Variants in DHRS2 observed in about 807,000 individuals in gnomAD.
The protein encoded by DHRS2 is dehydrogenase/reductase 2.
DHRS2 carries 29 observed loss-of-function variants against 26.3 expected under a neutral mutation model. That is an observed-to-expected ratio of 1.10 (90% CI 0.82 to 1.50). DHRS2 has a LOEUF of 1.50. DHRS2 is among the 40% of genes most tolerant of loss of function. The pLI is 0.00. For synonymous variants in DHRS2, 164 were observed against 151.3 expected (o/e 1.08, Z -0.62); for missense variants, 439 against 367.1 (o/e 1.20, Z -1.60).
chr14:23,644,767 C>A, intron 7 of DHRS2, 60 bp from the exon 8 acceptor site: 1 of 1,592,970 alleles, frequency 6.3e-7, no homozygotes. Flanking sequence ...GTGGCCTTCC[C>A]GGGGCCCTGC....
upstream of DHRS2, among the ~76,000 whole-genome samples, chr14:23,635,343 C>T (rs936958266): frequency 6.6e-6 from 1 of 152,150 alleles, no homozygotes; most frequent in Non-Finnish European, 1.5e-5. Context: ...TGTGAGCTAC[C>T]GTGCCTGGCC....
At chr14:23,640,219 T>C in intron 4 of DHRS2, 1 of 1,001,920 alleles carries the variant, frequency 1.0e-6, no homozygotes. Flanking sequence ...TGTGAATGGT[T>C]AGTCAGAGTC....
At chr14:23,640,353 C>T in intron 4 of DHRS2, 3 of 985,484 alleles carry the variant, frequency 3.0e-6, no homozygotes, top group Non-Finnish European at 3.6e-6. Context: ...GGGGGCTCCT[C>T]ACTGAGTCCC....
At chr14:23,635,876 C>T (rs540396468), upstream of DHRS2, among the ~76,000 whole-genome samples, 159 of 152,368 alleles carry the variant, frequency 1.0e-3, no homozygotes, top group African/African-American at 3.7e-3. Context: ...CGGCCGGTGC[C>T]AGCTGGGCCT....
At chr14:23,642,880 A>G (rs575487911) in intron 4 of DHRS2, 23 of 318,532 alleles carry the variant, frequency 7.2e-5, no homozygotes, top group African/African-American at 4.7e-4. Context: ...CATTTTCTTT[A>G]AAAGGCCTGA....
intron 5 of DHRS2, 159 bp downstream of exon 5, chr14:23,643,378 C>A (rs17095435): frequency 1.5e-6 from 1 of 668,672 alleles, no homozygotes; most frequent in Middle Eastern, 4.2e-4. Context: ...TGTGTGGCTG[C>A]CATTCCCAAT....
At chr14:23,641,371 C>T (rs1453059041) in intron 4 of DHRS2, 7 of 249,622 alleles carry the variant, frequency 2.8e-5, no homozygotes, top group Non-Finnish European at 4.7e-5. Context: ...CCTTCTCCAG[C>T]GACTCCAGCG....
chr14:23,642,234 C>T, intron 4 of DHRS2: 1 of 890,682 alleles, frequency 1.1e-6, no homozygotes, highest in Non-Finnish European at 1.3e-6. Context: ...CCCTTACAGC[C>T]TGCATTTTTA....
chr14:23,645,423 T>G lies in DHRS2; in HGVS notation c.*170T>G. 4 of 1,383,172 alleles carry G rather than the reference T, an allele frequency of 2.9e-6. No homozygotes were observed. The highest frequency in any genetic ancestry group is 3.9e-6 in the Non-Finnish European group (4 of 1,021,348). 85.7% of individuals were successfully genotyped at this position (1,383,172 alleles called of 1,614,324 possible). ...AAGAAAAACGCTTCGGCATTCTCCT[T>G]AGGACTTATCTGCTTGTAGATTTGG... is the stretch of plus-strand genomic sequence containing the variant. On this transcript the variant is annotated 3_prime_UTR_variant, in exon 9 of 9. Transcript: ENST00000250383.
upstream of DHRS2, among the ~76,000 whole-genome samples, chr14:23,632,489 G>T (rs1417646660): frequency 6.6e-6 from 1 of 152,186 alleles, no homozygotes; most frequent in Non-Finnish European, 1.5e-5. Flanking sequence ...TATCAGAAGA[G>T]ATATAAATCG....
chr14:23,644,359 C>T (rs1890787494), intron 6 of DHRS2, 50 bp from the exon 7 acceptor site: 3 of 1,608,102 alleles, frequency 1.9e-6, no homozygotes, highest in South Asian at 1.1e-5. Flanking sequence ...CCAACTGATG[C>T]TTTCCCCCAC....
chr14:23,638,814 T>A lies in DHRS2; in HGVS notation c.-38-13T>A, dbSNP rs773869769. The stretch of plus-strand genomic sequence containing the variant: ...AGGCATCAGTGATAAGTGAAATTGA[T>A]TCTTTCCCCCAGGCCTGATTCAGCA... On this transcript the variant is annotated splice_polypyrimidine_tract_variant and intron_variant, in intron 1 of 8. Transcript: ENST00000250383. 1 of 1,587,760 alleles carries A rather than the reference T, an allele frequency of 6.3e-7. No homozygotes were observed. The highest frequency in any genetic ancestry group is 2.2e-5 in the East Asian group (1 of 44,450).
In DHRS2 at chr14:23,639,177, A is replaced by T; in HGVS notation, c.141-2A>T. 2 of 1,612,806 alleles carry T rather than the reference A, an allele frequency of 1.2e-6. No homozygotes were observed. The highest frequency in any genetic ancestry group is 1.7e-6 in the Non-Finnish European group (2 of 1,179,592). Reference sequence around the variant, plus strand: ...ACTTTTGCCCTCCATCTCTGCATTCAGGATCGGCTTTGCCATCGCCCGACG... The same window carrying T: ...ACTTTTGCCCTCCATCTCTGCATTCTGGATCGGCTTTGCCATCGCCCGACG... On this transcript the variant is annotated splice_acceptor_variant, in intron 2 of 8. Transcript: ENST00000250383. LOFTEE classifies it high-confidence loss of function.
chr14:23,634,447 A>G (rs188492648), upstream of DHRS2, among the ~76,000 whole-genome samples: 23 of 152,088 alleles, frequency 1.5e-4, no homozygotes, highest in Admixed American at 9.8e-4. Flanking sequence ...TGTGGTGATC[A>G]CTGCCCTGCA....
At chr14:23,644,325 G>A (rs1171030828) in intron 6 of DHRS2, 84 bp from the exon 7 acceptor site, 1 of 1,592,080 alleles carries the variant, frequency 6.3e-7, no homozygotes, top group African/African-American at 1.3e-5. Context: ...TGCTGGGCCT[G>A]TGAGATCCCT....
intron 1 of DHRS2, 44 bp from the exon 2 acceptor site, chr14:23,638,783 T>C: frequency 6.5e-7 from 1 of 1,548,394 alleles, no homozygotes; most frequent in Non-Finnish European, 8.8e-7. Flanking sequence ...ACCTTCATGC[T>C]CACTGAGGCA....
rs1231738457 is a variant in DHRS2, at chr14:23,639,909, C to T, written c.420+14C>T. The T allele has an allele frequency of 1.9e-6, 3 of 1,564,758 alleles. No individual in the cohort carries two copies. The highest frequency in any genetic ancestry group is 2.8e-5 in the African/African-American group (2 of 72,186). On this transcript the variant is annotated intron_variant, in intron 4 of 8. Coordinates refer to ENST00000250383, the MANE Select transcript of DHRS2 (RefSeq NM_005794.4). ...ATCTGGGACAAGGTGAGAGGCCTCC[C>T]CTGGGGAGGCGGCTGAGGGCCCGAT...
intron 7 of DHRS2, 138 bp downstream of exon 7, chr14:23,644,681 C>T (rs769834492): frequency 9.4e-6 from 14 of 1,484,852 alleles, no homozygotes; most frequent in Non-Finnish European, 1.2e-5. Flanking sequence ...TGAACTCAGC[C>T]ATGGTGCAGT....
chr14:23,643,165 A>G lies in DHRS2; in HGVS notation c.434A>G (p.Asn145Ser). The G allele has an allele frequency of 6.2e-7, 1 of 1,614,102 alleles. No homozygotes were observed. The highest frequency in any genetic ancestry group is 8.5e-7 in the Non-Finnish European group (1 of 1,180,014). Residue 145 changes from asparagine to serine, a missense_variant, in exon 5 of 9, where the codon AAC (asparagine) becomes AGC (serine). Coordinates refer to ENST00000250383, the MANE Select transcript of DHRS2 (RefSeq NM_005794.4). ...CTCTGATTTCAGATCCTAAGTGTGA[A>G]CGTGAAGTCCCCAGCCCTGCTGCTG... ...EQIWDKILSV[N>S]VKSPALLLSQ... is the part of the protein sequence containing the mutation.
Sources: gnomAD v4.1 joint callset for allele counts (sites outside exome capture counted in the v4.1 genomes callset) on GRCh38, gnomAD v4.1.1 for gene constraint, MANE v1.5 for transcripts, NCBI Gene and HGNC (gene_info 2026-07-23, HGNC 2026-07-21) for gene names.